Variants in RRP7A observed in about 807,000 individuals in gnomAD.
RRP7A encodes the protein ribosomal RNA processing 7 homolog A.
Under a neutral mutation model 38.4 loss-of-function variants are expected in RRP7A, and 27 were observed. That is an observed-to-expected ratio of 0.70 (90% CI 0.52 to 0.97). The LOEUF is 0.97. Ranked by LOEUF, RRP7A falls within the 50% of genes least tolerant of loss-of-function variation. The probability of loss-of-function intolerance (pLI) is 0.00; values close to 1 mark genes in which losing one functional copy is unlikely to be tolerated. For synonymous variants in RRP7A, 124 were observed against 150.3 expected (o/e 0.83, Z 1.28); for missense variants, 327 against 375.4 (o/e 0.87, Z 1.07).
At position 42,516,096 on chromosome 22, in the gene RRP7A, T is replaced by C. The variant is rs572207268; in HGVS notation, c.257A>G (p.Gln86Arg). 238 of 1,613,714 alleles carry C rather than the reference T, an allele frequency of 1.5e-4. No individual in the cohort carries two copies. The East Asian group carries it at 5.3e-3, about 36-fold the overall frequency. ...CGGCTTCTCCTGCAACTCTACAGAC[T>C]GGACGAGGCCACAGGTGGACAGGAG... ...SRLLSTCGLV[Q>R]SVELQEKPDL... Residue 86 changes from glutamine (Q) to arginine (R), a missense_variant, in exon 3 of 7, where the codon CAG becomes CGG. By Grantham distance (43) the Gln-to-Arg change is conservative (BLOSUM62 1). This residue lies in a region of RRP7A where 183 missense variants were observed against 141.8 expected (regional missense o/e 1.29). Transcript: ENST00000323013.
intron 2 of RRP7A, 29 bp from the exon 3 acceptor site, chr22:42,516,165 G>A (rs1360499382): frequency 1.2e-6 from 2 of 1,610,562 alleles, no homozygotes; most frequent in Non-Finnish European, 8.5e-7. Context: ...AGCCAAGTGT[G>A]AGCATCCGCA....
Position 42,508,757 on chromosome 22 carries a change from T to C in RRP7A, c.*4153A>G, listed in dbSNP as rs561628617. ...CTGACTTTAATCACACAGCCATACC[T>C]GGTGGCAAAGGAGTATTGGAAATGG... is the stretch of plus-strand genomic sequence containing the variant. On this transcript the variant is annotated 3_prime_UTR_variant, in exon 7 of 7. Coordinates refer to ENST00000323013, the MANE Select transcript of RRP7A (RefSeq NM_015703.5). 3.3e-5 allele frequency among the ~76,000 whole-genome samples: 5 copies of C among 152,342 alleles called. No individual in the cohort carries two copies. The highest frequency in any genetic ancestry group is 7.3e-5 in the Non-Finnish European group (5 of 68,028).
rs1932504055 is a variant in RRP7A, at chr22:42,512,646, AGAG to A, written c.*261_*263del. The A allele has an allele frequency of 2.4e-5, 14 of 588,550 alleles. 1 individual carries two copies. Among genetic ancestry groups the A allele is most frequent in the South Asian group, 2.2e-4 (11 of 50,556 alleles). 36.5% of individuals were successfully genotyped at this position (588,550 alleles called of 1,614,324 possible). ...AGAACGGATTCATCCAGGGTCCTGG[AGAG>A]GAGGGTGTGGAGGCAAGAAGCAGGA... is the stretch of plus-strand genomic sequence containing the variant. On this transcript the variant is annotated 3_prime_UTR_variant, in exon 7 of 7. Transcript: ENST00000323013.
chr22:42,512,595 T>C lies in RRP7A; in HGVS notation c.*315A>G. On this transcript the variant is annotated 3_prime_UTR_variant, in exon 7 of 7. Coordinates refer to ENST00000323013, the MANE Select transcript of RRP7A (RefSeq NM_015703.5). Reference sequence around the variant, plus strand: ...AGGCTTTTTCGTTGCCAGCAAGGGCTTTTGCATTGAGGGAAAAGGAAGCAC... The same window carrying C: ...AGGCTTTTTCGTTGCCAGCAAGGGCCTTTGCATTGAGGGAAAAGGAAGCAC... 1.8e-6 allele frequency: 1 copy of C among 549,834 alleles called. No individual in the cohort carries two copies. The highest frequency in any genetic ancestry group is 2.2e-5 in the South Asian group (1 of 46,190). The allele number at this position is 549,834 out of a possible 1,614,324, so 34.1% of individuals were successfully genotyped here. A position where few individuals can be genotyped will look rare whatever the true frequency, so the allele number is the denominator to read the frequency against.
In RRP7A at chr22:42,510,970, C is replaced by CTGG. The variant is rs1569258393; in HGVS notation, c.*1939_*1940insCCA. ...TTCTTTACCATCCTCAAGTACCCACCCCTCCTTCTTGGGGCCAGGCACAAT... is the reference window on the plus strand; with the variant it reads ...TTCTTTACCATCCTCAAGTACCCACCTGGCCTCCTTCTTGGGGCCAGGCACAAT... On this transcript the variant is annotated 3_prime_UTR_variant, in exon 7 of 7. Coordinates refer to ENST00000323013, the MANE Select transcript of RRP7A (RefSeq NM_015703.5). 9.0e-6 allele frequency: 2 copies of CTGG among 222,858 alleles called. No homozygotes were observed. The highest frequency in any genetic ancestry group is 1.6e-5 in the Non-Finnish European group (2 of 125,952). 13.8% of individuals were successfully genotyped at this position (222,858 alleles called of 1,614,324 possible).
chr22:42,511,976 G>A lies in RRP7A; in HGVS notation c.*934C>T, dbSNP rs1932478790. 7 of 697,286 alleles carry A rather than the reference G, an allele frequency of 1.0e-5. No homozygotes were observed. Among genetic ancestry groups the A allele is most frequent in the South Asian group, 5.1e-5 (3 of 58,964 alleles). The allele number at this position is 697,286 out of a possible 1,614,324, so 43.2% of individuals were successfully genotyped here. A position where few individuals can be genotyped will look rare whatever the true frequency, so the allele number is the denominator to read the frequency against. ...TGGACTGTCGGGGCTCCAAGGAGCC[G>A]AGTGTGGGGGAAACTCACTGTGGGA... is the stretch of plus-strand genomic sequence containing the variant. On this transcript the variant is annotated 3_prime_UTR_variant, in exon 7 of 7. Transcript: ENST00000323013.
At position 42,512,493 on chromosome 22, in the gene RRP7A, G is replaced by A. The variant is rs150983013; in HGVS notation, c.*417C>T. 339 of 559,862 alleles carry A rather than the reference G, an allele frequency of 6.1e-4. 1 individual carries two copies. Among genetic ancestry groups the A allele is most frequent in the African/African-American group, 3.3e-3 (174 of 53,160 alleles). The allele number at this position is 559,862 out of a possible 1,614,324, so 34.7% of individuals were successfully genotyped here. ...CCAGCCAGCTGGAGGAAGGAAGGGC[G>A]GGCTGGGCCCACCTAGCCTTTCCCT... On this transcript the variant is annotated 3_prime_UTR_variant, in exon 7 of 7. Transcript: ENST00000323013.
intron 2 of RRP7A, among the ~76,000 whole-genome samples, chr22:42,516,630 T>C (rs575703966): frequency 6.6e-6 from 1 of 152,372 alleles, no homozygotes; most frequent in South Asian, 2.1e-4. Context: ...GCTCTCTCAC[T>C]GGAGACAGGT....
chr22:42,519,466 G>C (rs13056604), intron 1 of RRP7A, among the ~76,000 whole-genome samples: 1 of 152,170 alleles, frequency 6.6e-6, no homozygotes, highest in Admixed American at 6.5e-5. Flanking sequence ...AGTGTGGACA[G>C]AGGCGGGCTC....
rs564332674 is a variant in RRP7A at position 42,512,443 on chromosome 22, G to A, written c.*467C>T. ...GGGGAGACAGAGTCTGGGTTCCAGG[G>A]CTGCTGTCTCCTGGCTAATAATCTC... On this transcript the variant is annotated 3_prime_UTR_variant, in exon 7 of 7. Transcript: ENST00000323013. 2 of 608,304 alleles carry A rather than the reference G, an allele frequency of 3.3e-6. No homozygotes were observed. The highest frequency in any genetic ancestry group is 5.8e-6 in the Non-Finnish European group (2 of 347,812). The allele number at this position is 608,304 out of a possible 1,614,324, so 37.7% of individuals were successfully genotyped here.
chr22:42,509,936 A>C lies in RRP7A; in HGVS notation c.*2974T>G, dbSNP rs1371529080. Reference sequence around the variant, plus strand: ...AATTGTGACGATGGTCTCACAACTCAATGTATTAAAAACCACGGGATTGTA... The same window carrying C: ...AATTGTGACGATGGTCTCACAACTCCATGTATTAAAAACCACGGGATTGTA... On this transcript the variant is annotated 3_prime_UTR_variant, in exon 7 of 7. Transcript: ENST00000323013. The C allele has an allele frequency of 6.7e-6, 1 of 148,982 alleles. No individual in the cohort carries two copies. The allele number at this position is 148,982 out of a possible 1,614,324, so 9.2% of individuals were successfully genotyped here. A position where few individuals can be genotyped will look rare whatever the true frequency, so the allele number is the denominator to read the frequency against.
chr22:42,512,328 G>A lies in RRP7A; in HGVS notation c.*582C>T, dbSNP rs1932492398. ...GCCCCACAACAAGGCCAGGGATGGT[G>A]GGGACAGGCCTCACTAGTCTTGAGG... On this transcript the variant is annotated 3_prime_UTR_variant, in exon 7 of 7. Coordinates refer to ENST00000323013, the MANE Select transcript of RRP7A (RefSeq NM_015703.5). 4 of 1,149,490 alleles carry A rather than the reference G, an allele frequency of 3.5e-6. No individual in the cohort carries two copies. The South Asian group carries it at 3.9e-5, about 11-fold the overall frequency. 71.2% of individuals were successfully genotyped at this position (1,149,490 alleles called of 1,614,324 possible).
Position 42,508,505 on chromosome 22 carries a change from A to G in RRP7A, c.*4405T>C, listed in dbSNP as rs1932340425. On this transcript the variant is annotated 3_prime_UTR_variant, in exon 7 of 7. Transcript: ENST00000323013. ...CCACATCCCCGCCATCCAGACGTAAAACAGTCACAAGACAGGGCAGGCAGG... is the reference window on the plus strand; with the variant it reads ...CCACATCCCCGCCATCCAGACGTAAGACAGTCACAAGACAGGGCAGGCAGG... Among the ~76,000 whole-genome samples, 1 of 152,118 alleles carries G rather than the reference A, an allele frequency of 6.6e-6. No homozygotes were observed. The highest frequency in any genetic ancestry group is 6.5e-5 in the Admixed American group (1 of 15,278).
chr22:42,517,529 CTTTTT>C (rs1211169362), intron 2 of RRP7A, among the ~76,000 whole-genome samples: 4 of 151,454 alleles, frequency 2.6e-5, no homozygotes, highest in African/African-American at 9.7e-5. Flanking sequence ...ACTTTTTTCT[CTTTTT>C]TTTGAGTCAG....
intron 6 of RRP7A, among the ~76,000 whole-genome samples, 164 bp from the exon 7 acceptor site, chr22:42,513,159 T>C (rs1199539189): frequency 6.8e-6 from 1 of 146,730 alleles, no homozygotes; most frequent in Non-Finnish European, 1.5e-5. Context: ...GTCTGGATCT[T>C]GTCAGGAAAC....
intron 6 of RRP7A, among the ~76,000 whole-genome samples, 200 bp downstream of exon 6, chr22:42,513,906 G>C (rs1034529790): frequency 1.3e-5 from 2 of 151,916 alleles, no homozygotes; most frequent in Admixed American, 6.6e-5. Flanking sequence ...CTGCCCCTAG[G>C]GGGTGATGGG....
rs7289458 is a variant in RRP7A at position 42,509,322 on chromosome 22, C to A, written c.*3588G>T. 0.01 allele frequency among the ~76,000 whole-genome samples: 1,531 copies of A among 149,944 alleles called. 31 individuals are homozygous for A. The highest frequency in any genetic ancestry group is 0.036 in the African/African-American group (1,470 of 41,250). The stretch of plus-strand genomic sequence containing the variant: ...AGGGCTCAGGCAGCAGGGGATGGGC[C>A]GGGGCTGTCCCATGCCTTTCCACAG... On this transcript the variant is annotated 3_prime_UTR_variant, in exon 7 of 7. Transcript: ENST00000323013.
At position 42,517,903 on chromosome 22, in the gene RRP7A, C is replaced by T; in HGVS notation, c.216+102G>A. On this transcript the variant is annotated intron_variant, in intron 2 of 6. Transcript: ENST00000323013. ...GCCCTCCTGACACTCTCCTCTGGGG[C>T]TCCCATTAGCTGTGTCCGTCTCACC... 6 of 1,346,710 alleles carry T rather than the reference C, an allele frequency of 4.5e-6. No individual in the cohort carries two copies. In the South Asian group the frequency reaches 7.9e-5, roughly 18 times the overall value. The allele number at this position is 1,346,710 out of a possible 1,614,324, so 83.4% of individuals were successfully genotyped here. A position where few individuals can be genotyped will look rare whatever the true frequency, so the allele number is the denominator to read the frequency against.
At chr22:42,513,560 C>T (rs1920922949) in intron 6 of RRP7A, among the ~76,000 whole-genome samples, 1 of 122,988 alleles carries the variant, frequency 8.1e-6, no homozygotes, top group Non-Finnish European at 1.8e-5. Flanking sequence ...GAACCCTCCC[C>T]TGGGCCCACA....
Sources: gnomAD v4.1 joint callset for allele counts (sites outside exome capture counted in the v4.1 genomes callset) on GRCh38, gnomAD v4.1.1 for gene constraint, gnomAD v4.1.1 regional missense constraint, MANE v1.5 for transcripts, NCBI Gene and HGNC (gene_info 2026-07-23, HGNC 2026-07-21) for gene names.